Variants in WDFY4 observed in about 807,000 individuals in gnomAD.
WDFY4 encodes the protein WDFY family member 4, also known as WD repeat- and FYVE domain-containing protein 4.
Under a neutral mutation model 351.9 loss-of-function variants are expected in WDFY4, and 169 were observed. The ratio of observed to expected loss-of-function variants is 0.48; its 90% CI spans 0.42 to 0.55. WDFY4 has a LOEUF of 0.55. Among genes scored for constraint, WDFY4 ranks in the 20% least tolerant of loss-of-function variants. The probability of loss-of-function intolerance (pLI) is 0.00; values close to 1 mark genes in which losing one functional copy is unlikely to be tolerated. For synonymous variants in WDFY4, 1,622 were observed against 1,574.6 expected, an observed-to-expected ratio of 1.03 and a Z score of -0.71; for missense variants, 3,803 against 3,935.6, an observed-to-expected ratio of 0.97 and a Z score of 0.90.
intron 13 of WDFY4, among the ~76,000 whole-genome samples, chr10:48,761,873 G>A (rs1279877261): frequency 6.6e-6 from 1 of 152,202 alleles, no homozygotes; most frequent in Non-Finnish European, 1.5e-5. Flanking sequence ...TCCTCTTGCA[G>A]TTTTGTCGAG....
chr10:48,901,060 C>A (rs138423941), intron 46 of WDFY4, among the ~76,000 whole-genome samples: 1 of 152,260 alleles, frequency 6.6e-6, no homozygotes, highest in East Asian at 1.9e-4. Flanking sequence ...GAAATTCAAG[C>A]CCTGCCTTCT....
chr10:48,772,014 T>C (rs2065880663), intron 13 of WDFY4, among the ~76,000 whole-genome samples: 1 of 152,146 alleles, frequency 6.6e-6, no homozygotes, highest in Admixed American at 6.5e-5. Flanking sequence ...TAGAACTCAT[T>C]TACATGGCCA....
At chr10:48,737,549 A>G (rs4838646) in intron 11 of WDFY4, among the ~76,000 whole-genome samples, 66,162 of 152,042 alleles carry the variant, frequency 0.44, 14,784 homozygotes, top group Middle Eastern at 0.55. Context: ...TGTGGCCTAA[A>G]CCAGCAGTGA....
chr10:48,940,233 G>A (rs369455115), intron 47 of WDFY4, among the ~76,000 whole-genome samples: 31 of 152,364 alleles, frequency 2.0e-4, no homozygotes, highest in South Asian at 1.0e-3. Flanking sequence ...GACACAGCAG[G>A]AGAACCATAT....
intron 1 of WDFY4, among the ~76,000 whole-genome samples, chr10:48,690,873 C>T (rs1420870938): frequency 1.3e-5 from 2 of 152,194 alleles, no homozygotes; most frequent in Non-Finnish European, 2.9e-5. Context: ...CTGAAAAAGA[C>T]AACACAAGTC....
chr10:48,723,382 C>T, intron 4 of WDFY4, 51 bp from the exon 5 acceptor site: 2 of 1,539,792 alleles, frequency 1.3e-6, no homozygotes, highest in South Asian at 2.4e-5. Context: ...TCTGGGCTGA[C>T]CTGCTTCTGC....
chr10:48,901,457 G>A (rs1837347928), intron 46 of WDFY4, among the ~76,000 whole-genome samples: 1 of 152,226 alleles, frequency 6.6e-6, no homozygotes, highest in Admixed American at 6.5e-5. Context: ...GCATTAAGAT[G>A]GCATTTGTCC....
In WDFY4 at chr10:48,778,766, G is replaced by A. The variant is rs750281279; in HGVS notation, c.3331G>A (p.Val1111Ile). Residue 1111 changes from valine to isoleucine, a missense_variant, in exon 18 of 62, where the codon GTC becomes ATC. Around this residue, in one of 3 missense-constraint regions of WDFY4, gnomAD observed 3,054 missense variants for 3,148.6 expected, o/e 0.97. Coordinates refer to ENST00000325239, the MANE Select transcript of WDFY4 (RefSeq NM_001394531.1). ...RTEQPFVCFS[V>I]SLCPDDLSLV... ...TGAGCAACCCTTTGTTTGCTTCTCC[G>A]TCAGCCTCTGCCCAGACGACCTCTC... 3.0e-5 allele frequency: 47 copies of A among 1,551,442 alleles called. No homozygotes were observed. The highest frequency in any genetic ancestry group is 2.9e-4 in the African/African-American group (21 of 73,048).
chr10:48,709,960 C>G lies in WDFY4; in HGVS notation c.228C>G (p.Phe76Leu). 6.5e-7 allele frequency: 1 copy of G among 1,549,816 alleles called. No individual in the cohort carries two copies. The highest frequency in any genetic ancestry group is 1.7e-4 in the Middle Eastern group (1 of 5,976). The change falls in exon 2 of 62, where the codon TTC becomes TTG. Residue 76 changes from phenylalanine (F) to leucine (L), a missense_variant. Transcript: ENST00000325239. Reference sequence around the variant, plus strand: ...GCCTGTTGAGTCTTCTCCCCCTATTCCTAAAGGTTAGTGTTCTTATTTTTG... The same window carrying G: ...GCCTGTTGAGTCTTCTCCCCCTATTGCTAAAGGTTAGTGTTCTTATTTTTG... ...QKSLLSLLPLFLKAWEHSVGI... is the reference protein window; with the variant it reads ...QKSLLSLLPLLLKAWEHSVGI...
chr10:48,744,346 T>A (rs879783679), intron 12 of WDFY4, among the ~76,000 whole-genome samples: 2 of 152,126 alleles, frequency 1.3e-5, no homozygotes, highest in Non-Finnish European at 2.9e-5. Flanking sequence ...CAGACTTCAG[T>A]GTTGGGGATG....
chr10:48,821,633 T>C (rs1056051358), intron 34 of WDFY4, among the ~76,000 whole-genome samples: 7 of 152,202 alleles, frequency 4.6e-5, no homozygotes, highest in Admixed American at 4.6e-4. Flanking sequence ...TTCAAAAAAC[T>C]TGGTTCCAGG....
rs773221396 is a variant in WDFY4, at chr10:48,941,853, A to G, written c.7629+5A>G. On this transcript the variant is annotated splice_donor_5th_base_variant and intron_variant, in intron 48 of 61. Transcript: ENST00000325239. ...ATCATGCTGCAGAAGTGGCAGGTAC[A>G]GTAGCTCCTCCAGAGGGAAGCCCTC... The G allele has an allele frequency of 2.6e-6, 4 of 1,551,768 alleles. No homozygotes were observed. In the South Asian group the frequency reaches 4.8e-5, roughly 18 times the overall value.
At chr10:48,787,852 TTCTTCTTTC>T (rs1404397206) in intron 20 of WDFY4, among the ~76,000 whole-genome samples, 3 of 135,646 alleles carry the variant, frequency 2.2e-5, no homozygotes, top group Non-Finnish European at 3.0e-5. Flanking sequence ...CTTCTTCTTC[TTCTTCTTTC>T]TTCTTCTTTC....
intron 2 of WDFY4, 112 bp from the exon 3 acceptor site, chr10:48,719,899 G>A: frequency 1.1e-6 from 1 of 948,980 alleles, no homozygotes; most frequent in Non-Finnish European, 1.6e-6. Flanking sequence ...CATGCACCTG[G>A]GAAAGGAAGT....
At chr10:48,693,765 C>CTCTT (rs145025551) in intron 1 of WDFY4, among the ~76,000 whole-genome samples, 18,123 of 152,172 alleles carry the variant, frequency 0.12, 1,170 homozygotes, top group South Asian at 0.16. Flanking sequence ...TATTTCCTTG[C>CTCTT]TCTTCTCTTA....
At chr10:48,806,130 A>G (rs367707759) in intron 27 of WDFY4, 35 bp downstream of exon 27, 16 of 1,544,492 alleles carry the variant, frequency 1.0e-5, no homozygotes, top group Non-Finnish European at 1.2e-5. Flanking sequence ...AGGCAGTAGG[A>G]CGGCCCTCAC....
intron 24 of WDFY4, among the ~76,000 whole-genome samples, chr10:48,800,722 CATTCTTTCTTTT>C (rs2067052867): frequency 9.0e-6 from 1 of 111,688 alleles, no homozygotes; most frequent in African/African-American, 4.0e-5. Context: ...TTCTTTCTTT[CATTCTTTCTTTT>C]TTTTTTTTTT....
intron 49 of WDFY4, among the ~76,000 whole-genome samples, chr10:48,944,991 T>G (rs1378293772): frequency 6.6e-6 from 1 of 152,170 alleles, no homozygotes; most frequent in Admixed American, 6.5e-5. Context: ...ATTTCACTCT[T>G]GCCCCTGCTT....
chr10:48,942,681 G>A (rs1447998816), intron 48 of WDFY4, among the ~76,000 whole-genome samples: 2 of 152,256 alleles, frequency 1.3e-5, no homozygotes, highest in Non-Finnish European at 2.9e-5. Flanking sequence ...CAAGGGGCAG[G>A]TTGAGGAAAG....
Sources: gnomAD v4.1 joint callset for allele counts (sites outside exome capture counted in the v4.1 genomes callset) on GRCh38, gnomAD v4.1.1 for gene constraint, gnomAD v4.1.1 regional missense constraint, MANE v1.5 for transcripts, NCBI Gene and HGNC (gene_info 2026-07-23, HGNC 2026-07-21) for gene names.